Variants in PDZRN4 observed in about 807,000 individuals in gnomAD.
PDZRN4 encodes PDZ domain containing ring finger 4, also known as PDZ domain-containing RING finger protein 4.
In PDZRN4, 70 loss-of-function variants were observed where a neutral mutation model predicts 99.0. The ratio of observed to expected loss-of-function variants is 0.71; its 90% CI spans 0.58 to 0.86. The LOEUF (loss-of-function observed/expected upper bound fraction) is 0.86, where lower values mean the gene tolerates loss of function less well. Ranked by LOEUF, PDZRN4 falls within the 40% of genes least tolerant of loss-of-function variation. The pLI is 0.00. For missense variants in PDZRN4, 1,474 were observed against 1,331.2 expected (o/e 1.11, Z -1.67); for synonymous variants, 551 against 501.6 (o/e 1.10, Z -1.32).
chr12:41,461,009 T>A (rs141026622), intron 3 of PDZRN4, among the ~76,000 whole-genome samples: 12 of 152,286 alleles, frequency 7.9e-5, no homozygotes, highest in Admixed American at 7.8e-4. Context: ...CTTTAGCTTT[T>A]CCTCTGCACT....
At chr12:41,358,996 T>C (rs1410596824) in intron 3 of PDZRN4, among the ~76,000 whole-genome samples, 1 of 151,984 alleles carries the variant, frequency 6.6e-6, no homozygotes, top group Non-Finnish European at 1.5e-5. Flanking sequence ...TTGATTTGTC[T>C]AACAAAGTTC....
chr12:41,555,685 C>G lies in PDZRN4; in HGVS notation c.1303-13C>G. The G allele has an allele frequency of 6.2e-7, 1 of 1,602,594 alleles. No homozygotes were observed. Among genetic ancestry groups the G allele is most frequent in the Non-Finnish European group, 8.6e-7 (1 of 1,169,568 alleles). ...TCATACCCAGTTGAAGATGTATGTCCTCTTCATTACAGGTTGACCCAAATA... is the reference window on the plus strand; with the variant it reads ...TCATACCCAGTTGAAGATGTATGTCGTCTTCATTACAGGTTGACCCAAATA... On this transcript the variant is annotated splice_polypyrimidine_tract_variant and intron_variant, in intron 6 of 9. Transcript: ENST00000402685.
At chr12:41,203,978 A>C (rs2120672750) in intron 3 of PDZRN4, among the ~76,000 whole-genome samples, 1 of 152,160 alleles carries the variant, frequency 6.6e-6, no homozygotes, top group South Asian at 2.1e-4. Context: ...TGAAAAGTGA[A>C]AGAACTTGAG....
Position 41,188,880 on chromosome 12 carries a change from G to A in PDZRN4, c.425G>A (p.Gly142Asp). ...GGTCCGACACCCAGGGCTGGCCGGG[G>A]CGGGGGCGCGCGCGGGGGGCCGCCG... ...GCGPTPRAGRGGGARGGPPGG... is the reference protein window; with the variant it reads ...GCGPTPRAGRDGGARGGPPGG... Residue 142 changes from glycine to aspartate, a missense_variant, in exon 1 of 10, where the codon GGC (glycine) becomes GAC (aspartate). Transcript: ENST00000402685. 9.1e-7 allele frequency: 1 copy of A among 1,099,440 alleles called. No individual in the cohort carries two copies. Among genetic ancestry groups the A allele is most frequent in the Non-Finnish European group, 1.1e-6 (1 of 904,658 alleles). 68.1% of individuals were successfully genotyped at this position (1,099,440 alleles called of 1,614,324 possible).
At chr12:41,445,565 CTGATTAAA>C (rs1952718801) in intron 3 of PDZRN4, among the ~76,000 whole-genome samples, 1 of 152,000 alleles carries the variant, frequency 6.6e-6, no homozygotes, top group African/African-American at 2.4e-5. Context: ...TGCAATCAAT[CTGATTAAA>C]TGATTAAGAA....
chr12:41,190,048 T>C (rs1296680125), intron 1 of PDZRN4, among the ~76,000 whole-genome samples: 1 of 152,202 alleles, frequency 6.6e-6, no homozygotes, highest in Non-Finnish European at 1.5e-5. Flanking sequence ...CTGACATTGT[T>C]GGTCGCTGCC....
intron 3 of PDZRN4, among the ~76,000 whole-genome samples, chr12:41,266,424 C>T (rs940354485): frequency 3.9e-5 from 6 of 151,952 alleles, no homozygotes; most frequent in African/African-American, 9.7e-5. Context: ...TACCTGTGCA[C>T]CTAGTTGGAT....
At chr12:41,556,919 G>A (rs1939176390) in intron 7 of PDZRN4, among the ~76,000 whole-genome samples, 1 of 151,896 alleles carries the variant, frequency 6.6e-6, no homozygotes, top group Non-Finnish European at 1.5e-5. Flanking sequence ...GAAGGCCGAG[G>A]CAGGCAGATC....
Position 41,331,826 on chromosome 12 carries a change from T to C in PDZRN4, c.843+137638T>C, listed in dbSNP as rs1459922610. On this transcript the variant is annotated intron_variant, in intron 3 of 9. Transcript: ENST00000402685. ...CAAGAAAAGCCCCTTATAAAACCTA[T>C]GATTCAGTTACCTCCCATCCAGTCC... Among the ~76,000 whole-genome samples the C allele has an allele frequency of 2.0e-5, 3 of 152,156 alleles. No individual in the cohort carries two copies. The East Asian group carries it at 5.8e-4, about 30-fold the overall frequency.
At chr12:41,352,278 G>T (rs1031837278) in intron 3 of PDZRN4, among the ~76,000 whole-genome samples, 2 of 152,070 alleles carry the variant, frequency 1.3e-5, no homozygotes, top group Non-Finnish European at 2.9e-5. Context: ...AGAGAGAAAA[G>T]GAAGGTGTCA....
chr12:41,460,754 C>T (rs755010052), intron 3 of PDZRN4, among the ~76,000 whole-genome samples: 35 of 152,284 alleles, frequency 2.3e-4, no homozygotes, highest in Middle Eastern at 3.4e-3. Context: ...CCCAGTGTTA[C>T]TCAGTTCCGC....
At chr12:41,391,180 C>T (rs1298056039) in intron 3 of PDZRN4, among the ~76,000 whole-genome samples, 2 of 152,152 alleles carry the variant, frequency 1.3e-5, no homozygotes, top group African/African-American at 4.8e-5. Flanking sequence ...TGTCTGGAAG[C>T]AAAGAGTGCC....
intron 3 of PDZRN4, among the ~76,000 whole-genome samples, chr12:41,213,472 G>A (rs1007376510): frequency 6.6e-6 from 1 of 151,952 alleles, no homozygotes; most frequent in Non-Finnish European, 1.5e-5. Flanking sequence ...AGTCATGAGC[G>A]CATGCAATGC....
At chr12:41,545,798 T>C (rs1938940154) in intron 5 of PDZRN4, among the ~76,000 whole-genome samples, 1 of 151,860 alleles carries the variant, frequency 6.6e-6, no homozygotes, top group African/African-American at 2.4e-5. Context: ...TTCCATTCCA[T>C]GGTTTCTTTT....
At chr12:41,265,879 TA>T (rs1346420029) in intron 3 of PDZRN4, among the ~76,000 whole-genome samples, 1 of 151,848 alleles carries the variant, frequency 6.6e-6, no homozygotes, top group Non-Finnish European at 1.5e-5. Flanking sequence ...AATTAAACAA[TA>T]AAAATAAATT....
At chr12:41,356,541 A>G (rs1951928877) in intron 3 of PDZRN4, among the ~76,000 whole-genome samples, 1 of 152,032 alleles carries the variant, frequency 6.6e-6, no homozygotes, top group Non-Finnish European at 1.5e-5. Context: ...CTTCCCAACC[A>G]TCAACCTGTA....
chr12:41,201,660 C>T (rs958778336), intron 3 of PDZRN4, among the ~76,000 whole-genome samples: 1 of 152,030 alleles, frequency 6.6e-6, no homozygotes, highest in African/African-American at 2.4e-5. Context: ...TTTTCAACAT[C>T]CCTGAAATTT....
chr12:41,427,660 G>A (rs950527909), intron 3 of PDZRN4, among the ~76,000 whole-genome samples: 4 of 152,070 alleles, frequency 2.6e-5, no homozygotes, highest in South Asian at 2.1e-4. Context: ...TTAACATGTC[G>A]ATTTTTTGGT....
intron 3 of PDZRN4, among the ~76,000 whole-genome samples, chr12:41,318,501 T>G (rs1220629834): frequency 6.6e-6 from 1 of 152,222 alleles, no homozygotes; most frequent in Non-Finnish European, 1.5e-5. Flanking sequence ...TACATTGTGG[T>G]GTCTCACTGA....
Sources: gnomAD v4.1 joint callset for allele counts (sites outside exome capture counted in the v4.1 genomes callset) on GRCh38, gnomAD v4.1.1 for gene constraint, MANE v1.5 for transcripts, NCBI Gene and HGNC (gene_info 2026-07-23, HGNC 2026-07-21) for gene names.